INF2: variants seen among roughly 807,000 people sequenced by gnomAD.
INF2 encodes inverted formin-2.
INF2 carries 43 observed loss-of-function variants against 123.5 expected under a neutral mutation model. The ratio of observed to expected loss-of-function variants is 0.35; its 90% CI spans 0.27 to 0.45. INF2 has a LOEUF of 0.45. INF2 is among the 20% of genes least tolerant of loss of function. The probability of loss-of-function intolerance (pLI) is 1.00; values close to 1 mark genes in which losing one functional copy is unlikely to be tolerated. For synonymous variants in INF2, 851 were observed against 745.0 expected (o/e 1.14, Z -2.32); for missense variants, 1,453 against 1,682.7 (o/e 0.86, Z 2.39).
rs773186603 is a variant in INF2, at chr14:104,711,202, G to A, written c.2418+16G>A. 1.4e-5 allele frequency: 22 copies of A among 1,546,288 alleles called. No individual in the cohort carries two copies. Among genetic ancestry groups the A allele is most frequent in the African/African-American group, 6.9e-5 (5 of 72,964 alleles). On this transcript the variant is annotated intron_variant, in intron 15 of 22. Transcript: ENST00000392634. ...CGTGCTGGAGGTGGGCCGTGGTGGC[G>A]GGGGCATAATGGGAGGGCTTCAAGT...
chr14:104,717,599 C>T (rs1413042881), intron 22 of INF2: 1 of 152,204 alleles, frequency 6.6e-6, no homozygotes, highest in Admixed American at 6.5e-5. Context: ...ATGACATTGA[C>T]GTTCTGGAAG....
chr14:104,715,251 G>A lies in INF2; in HGVS notation c.3695-33G>A, dbSNP rs1379564874. 9 of 1,608,288 alleles carry A rather than the reference G, an allele frequency of 5.6e-6. No individual in the cohort carries two copies. In the Admixed American group the frequency reaches 1.3e-4, roughly 24 times the overall value. ...AGTCAGGGTTGCTTCTGTGTGATAA[G>A]CCGTTGAGTGCGTTTCTTTTATTTG... On this transcript the variant is annotated intron_variant, in intron 21 of 22. Transcript: ENST00000392634.
rs760477359 is a variant in INF2, at chr14:104,707,380, C to T, written c.1113C>T (p.Ser371=). ...QANLDQSQRG[S]SPQNTTTPKP... ...ACCTAGACCAGAGCCAGAGGGGCAG[C>T]TCCCCGCAAAACACTACAACCCCCA... Residue 371 remains serine, a synonymous_variant, in exon 8 of 23, where the codon AGC becomes AGT. Coordinates refer to ENST00000392634, the MANE Select transcript of INF2 (RefSeq NM_022489.4). 1 of 1,593,000 alleles carries T rather than the reference C, an allele frequency of 6.3e-7. No individual in the cohort carries two copies. Among genetic ancestry groups the T allele is most frequent in the Non-Finnish European group, 8.5e-7 (1 of 1,171,150 alleles).
In INF2 at chr14:104,713,598, C is replaced by G. The variant is rs551015347; in HGVS notation, c.3032C>G (p.Thr1011Arg). Reference sequence around the variant, plus strand: ...GCCTCCATGGATCCCCCAAGAGCCACAGAGCCTGGTAAGACCCTCTCCCAC... The same window carrying G: ...GCCTCCATGGATCCCCCAAGAGCCAGAGAGCCTGGTAAGACCCTCTCCCAC... ...KAASMDPPRA[T>R]EPVATSNPAG... The change falls in exon 20 of 23, where the codon ACA (threonine) becomes AGA (arginine). Residue 1011 changes from threonine to arginine, a missense_variant. Thr to Arg is a moderately conservative substitution (Grantham distance 71). Transcript: ENST00000392634. 3.1e-5 allele frequency: 50 copies of G among 1,612,450 alleles called. No homozygotes were observed. The Admixed American group carries it at 8.3e-4, about 27-fold the overall frequency.
upstream of INF2, among the ~76,000 whole-genome samples, chr14:104,688,468 C>A (rs1166853993): frequency 2.0e-5 from 3 of 152,274 alleles, no homozygotes; most frequent in African/African-American, 4.8e-5. Context: ...CACCCTGAGC[C>A]CTGGCCGCCA....
chr14:104,683,185 GGGGAGGGGA>G (rs1888571609), intron 1 of INF2, among the ~76,000 whole-genome samples: 1 of 152,066 alleles, frequency 6.6e-6, no homozygotes, highest in Non-Finnish European at 1.5e-5. Context: ...GGCTGCAATG[GGGGAGGGGA>G]GGGGTGGAGG....
In INF2 at chr14:104,708,746, G is replaced by C; in HGVS notation, c.1949+14G>C. On this transcript the variant is annotated intron_variant, in intron 10 of 22. Transcript: ENST00000392634. ...GCAATTTAAGTGGTGAGTGAGGGAG[G>C]TAGCCCCCATCCCAGGCCACGGAGC... 1 of 1,612,694 alleles carries C rather than the reference G, an allele frequency of 6.2e-7. No homozygotes were observed. The highest frequency in any genetic ancestry group is 8.5e-7 in the Non-Finnish European group (1 of 1,179,610).
intron 22 of INF2, chr14:104,716,054 C>T (rs1011157532): frequency 2.1e-5 from 9 of 430,030 alleles, no homozygotes; most frequent in Non-Finnish European, 3.3e-5. Flanking sequence ...ATGCATCCAG[C>T]TAGACAGGAC....
At chr14:104,713,337 G>A (rs1397276213) in intron 19 of INF2, 28 bp downstream of exon 19, 1 of 1,552,188 alleles carries the variant, frequency 6.4e-7, no homozygotes. Context: ...GGGCGGGGAG[G>A]GGGTGACTCT....
In INF2 at chr14:104,714,873, C is replaced by T. The variant is rs1226390812; in HGVS notation, c.3694+17C>T. The T allele has an allele frequency of 2.0e-6, 3 of 1,525,810 alleles. No homozygotes were observed. The highest frequency in any genetic ancestry group is 2.6e-5 in the South Asian group (2 of 76,438). The allele number at this position is 1,525,810 out of a possible 1,614,324, so 94.5% of individuals were successfully genotyped here. A position where few individuals can be genotyped will look rare whatever the true frequency, so the allele number is the denominator to read the frequency against. ...GCCAGGAAGGTAACTCAGGGAGGGG[C>T]CCCGGGCACCGTCCCACGCCAGGGC... On this transcript the variant is annotated intron_variant, in intron 21 of 22. Transcript: ENST00000392634.
At position 104,716,644 on chromosome 14, in the gene INF2, C is replaced by T. The variant is rs566794571; in HGVS notation, c.*1+1304C>T. ...CACCCGCCCCAGCTCCTGCCACGCACGTGGCTGAGGGCAAGAGGAAGAAGT... is the reference window on the plus strand; with the variant it reads ...CACCCGCCCCAGCTCCTGCCACGCATGTGGCTGAGGGCAAGAGGAAGAAGT... On this transcript the variant is annotated intron_variant, in intron 22 of 22. Coordinates refer to ENST00000392634, the MANE Select transcript of INF2 (RefSeq NM_022489.4). Among the ~76,000 whole-genome samples, 7 of 152,354 alleles carry T rather than the reference C, an allele frequency of 4.6e-5. No homozygotes were observed. The East Asian group carries it at 7.7e-4, about 17-fold the overall frequency.
chr14:104,707,954 C>T lies in INF2; in HGVS notation c.1687C>T (p.Arg563Cys), dbSNP rs374332157. 9 of 1,598,666 alleles carry T rather than the reference C, an allele frequency of 5.6e-6. No individual in the cohort carries two copies. Among genetic ancestry groups the T allele is most frequent in the South Asian group, 2.2e-5 (2 of 91,086 alleles). ...TCGGCGGGTGAACCCACCCACACTGCGCATGAAGAAGCTGAACTGGCAGAA... is the reference window on the plus strand; with the variant it reads ...TCGGCGGGTGAACCCACCCACACTGTGCATGAAGAAGCTGAACTGGCAGAA... ...SHRRVNPPTLRMKKLNWQKLP... is the reference protein window; with the variant it reads ...SHRRVNPPTLCMKKLNWQKLP... Residue 563 changes from arginine (R) to cysteine (C), a missense_variant, in exon 8 of 23, where the codon CGC (arginine) becomes TGC (cysteine). Arg to Cys is a radical substitution (Grantham distance 180). Around this residue, in one of 8 missense-constraint regions of INF2, gnomAD observed 192 missense variants for 274.4 expected, o/e 0.70. Transcript: ENST00000392634.
At chr14:104,694,914 A>C (rs1328080823) in intron 1 of INF2, among the ~76,000 whole-genome samples, 1 of 152,180 alleles carries the variant, frequency 6.6e-6, no homozygotes, top group Non-Finnish European at 1.5e-5. Context: ...GGCACACAGC[A>C]ATCAGGACCT....
rs1480119709 is a variant in INF2, at chr14:104,708,446, T to C, written c.1746T>C (p.Ser582=). The C allele has an allele frequency of 5.0e-6, 8 of 1,611,996 alleles. No homozygotes were observed. In the Admixed American group the frequency reaches 1.3e-4, roughly 27 times the overall value. Residue 582 remains serine, a synonymous_variant, in exon 9 of 23, where the codon TCT becomes TCC. Coordinates refer to ENST00000392634, the MANE Select transcript of INF2 (RefSeq NM_022489.4). ...LPSNVAREHN[S]MWASLSSPDA... The stretch of plus-strand genomic sequence containing the variant: ...GTCCCCACCCGACAGAGCACAACTC[T>C]ATGTGGGCGTCCCTGAGCAGCCCCG...
intron 8 of INF2, 129 bp downstream of exon 8, chr14:104,708,131 CCTTGCT>C: frequency 6.9e-7 from 1 of 1,446,938 alleles, no homozygotes; most frequent in Non-Finnish European, 9.4e-7. Flanking sequence ...GCAGCCTGGC[CCTTGCT>C]CTGGGCTCGG....
chr14:104,681,558 A>G, exon 1 of INF2: 1 of 1,289,102 alleles, frequency 7.8e-7, no homozygotes, highest in Non-Finnish European at 1.0e-6. Context: ...CTGGATTTCC[A>G]CTTCAATTGG....
chr14:104,708,293 G>A (rs1889880983), intron 8 of INF2, 143 bp from the exon 9 acceptor site: 1 of 1,075,520 alleles, frequency 9.3e-7, no homozygotes, highest in Admixed American at 2.4e-5. Context: ...GGGAGGTAGG[G>A]TGCCTGCTGT....
At chr14:104,712,366 G>A (rs1376235905) in intron 16 of INF2, 67 bp from the exon 17 acceptor site, 48 of 1,597,286 alleles carry the variant, frequency 3.0e-5, no homozygotes, top group Non-Finnish European at 4.0e-5. Flanking sequence ...CAGGGGAGGG[G>A]CTCCCCTGTC....
intron 22 of INF2, among the ~76,000 whole-genome samples, chr14:104,718,393 T>C (rs893085453): frequency 2.0e-5 from 3 of 151,518 alleles, no homozygotes; most frequent in African/African-American, 7.3e-5. Flanking sequence ...AAAGCGCTGC[T>C]GGGGTCCTCG....
Sources: gnomAD v4.1 joint callset for allele counts (sites outside exome capture counted in the v4.1 genomes callset) on GRCh38, gnomAD v4.1.1 for gene constraint, gnomAD v4.1.1 regional missense constraint, MANE v1.5 for transcripts, NCBI Gene and HGNC (gene_info 2026-07-23, HGNC 2026-07-21) for gene names.